The following TIAM1 variants were observed in gnomAD, a reference collection of about 807,000 sequenced individuals.
TIAM1 encodes the protein rho guanine nucleotide exchange factor TIAM1.
TIAM1 carries 65 observed loss-of-function variants against 163.5 expected under a neutral mutation model. The observed-to-expected ratio is 0.40, with a 90% CI of 0.33 to 0.49. The LOEUF is 0.49. TIAM1 is among the 20% of genes least tolerant of loss of function. The probability of loss-of-function intolerance (pLI) is 0.77; values close to 1 mark genes in which losing one functional copy is unlikely to be tolerated. For synonymous variants in TIAM1, 833 were observed against 810.1 expected (o/e 1.03, Z -0.48); for missense variants, 1,789 against 2,044.7 (o/e 0.87, Z 2.41).
At chr21:31,262,686 C>A (rs1383184352) in intron 4 of TIAM1, among the ~76,000 whole-genome samples, 1 of 152,136 alleles carries the variant, frequency 6.6e-6, no homozygotes, top group Non-Finnish European at 1.5e-5. Flanking sequence ...GGAAAAAGGG[C>A]CAAAAACCCA....
At chr21:31,342,601 A>G (rs1407071890) in intron 1 of TIAM1, among the ~76,000 whole-genome samples, 1 of 152,168 alleles carries the variant, frequency 6.6e-6, no homozygotes, top group African/African-American at 2.4e-5. Context: ...ATGAGATCCA[A>G]TTTGGTTGTC....
At chr21:31,387,195 CTTTTTTTTTTTT>C (rs60592178) in intron 2 of TIAM1, among the ~76,000 whole-genome samples, 5 of 75,162 alleles carry the variant, frequency 6.7e-5, no homozygotes, top group African/African-American at 1.1e-4. Context: ...AGCTTATTCT[CTTTTTTTTTTTT>C]TTTTTTTTTT....
In TIAM1 at chr21:31,210,637, GAA is replaced by G. The variant is rs1352437486; in HGVS notation, c.2218-424_2218-423del. Among the ~76,000 whole-genome samples the G allele has an allele frequency of 4.0e-3, 200 of 49,456 alleles. 10 individuals carry two copies. Among genetic ancestry groups the G allele is most frequent in the African/African-American group, 1.0e-2 (80 of 8,026 alleles). 32.4% of individuals were successfully genotyped at this position (49,456 alleles called of 152,430 possible). A position where few individuals can be genotyped will look rare whatever the true frequency, so the allele number is the denominator to read the frequency against. ...AGGGAGAAAGAAAGAAAGAAAGAAA[GAA>G]AGAAAGAAAGAAAGAAAGAAAGAAA... is the stretch of plus-strand genomic sequence containing the variant. On this transcript the variant is annotated intron_variant, in intron 10 of 27. Coordinates refer to ENST00000541036, the MANE Select transcript of TIAM1 (RefSeq NM_001353694.2).
Position 31,217,587 on chromosome 21 carries a change from G to C in TIAM1, c.2108C>G (p.Ser703Cys), listed in dbSNP as rs149518353. Reference protein sequence around the residue: ...FSSLWGLDTTSKKKQGRPSIN... With the variant: ...FSSLWGLDTTCKKKQGRPSIN... The stretch of plus-strand genomic sequence containing the variant: ...GCTTGGCCGTCCCTGCTTCTTTTTG[G>C]AGGTAGTATCCAGACCCCACAGAGA... The change falls in exon 9 of 28, where the codon TCC becomes TGC. Residue 703 changes from serine to cysteine, a missense_variant. Coordinates refer to ENST00000541036, the MANE Select transcript of TIAM1 (RefSeq NM_001353694.2). 1.4e-3 allele frequency: 2,232 copies of C among 1,613,670 alleles called. 1 individual carries two copies. The highest frequency in any genetic ancestry group is 1.8e-3 in the Non-Finnish European group (2,091 of 1,179,848).
intron 2 of TIAM1, among the ~76,000 whole-genome samples, chr21:31,430,225 A>AAATATATATATAT (rs1555978198): frequency 2.2e-5 from 2 of 90,280 alleles, no homozygotes; most frequent in African/African-American, 5.8e-5. Flanking sequence ...AAAAAAAAAA[A>AAATATATATATAT]ATATATATAT....
intron 1 of TIAM1, among the ~76,000 whole-genome samples, chr21:31,472,078 G>A (rs1046318745): frequency 2.0e-5 from 3 of 152,030 alleles, no homozygotes; most frequent in Admixed American, 6.6e-5. Context: ...GGGGAGCCTC[G>A]GTGGACACTT....
intron 2 of TIAM1, among the ~76,000 whole-genome samples, chr21:31,328,095 C>T (rs1005233904): frequency 2.6e-5 from 4 of 152,140 alleles, no homozygotes; most frequent in African/African-American, 9.7e-5. Flanking sequence ...GGCTCGCTTC[C>T]TCAACCCCTT....
intron 2 of TIAM1, among the ~76,000 whole-genome samples, chr21:31,366,225 C>T (rs8129462): frequency 0.024 from 3,710 of 152,130 alleles, 60 homozygotes; most frequent in African/African-American, 0.05. Context: ...GGAAGTAAAC[C>T]GTACTCATAA....
chr21:31,488,100 A>G (rs2046338430), intron 1 of TIAM1, among the ~76,000 whole-genome samples: 1 of 152,256 alleles, frequency 6.6e-6, no homozygotes, highest in African/African-American at 2.4e-5. Flanking sequence ...CTGGGATTAC[A>G]GGAAACCAGG....
At chr21:31,131,779 T>C (rs1477532493) in intron 23 of TIAM1, among the ~76,000 whole-genome samples, 1 of 152,162 alleles carries the variant, frequency 6.6e-6, no homozygotes, top group Non-Finnish European at 1.5e-5. Flanking sequence ...CTTGTGATGG[T>C]TTCAGGAGGT....
intron 2 of TIAM1, among the ~76,000 whole-genome samples, chr21:31,323,015 C>A (rs143434151): frequency 6.6e-6 from 1 of 152,128 alleles, no homozygotes. Flanking sequence ...AGAGGCCGGG[C>A]GCAGTGGCTC....
chr21:31,420,864 G>A (rs2043542414), intron 2 of TIAM1, among the ~76,000 whole-genome samples: 2 of 152,152 alleles, frequency 1.3e-5, no homozygotes, highest in South Asian at 2.1e-4. Context: ...ACTCACGTCT[G>A]TAATCCCAGC....
At chr21:31,457,045 T>C (rs1472097329) in intron 2 of TIAM1, among the ~76,000 whole-genome samples, 1 of 152,232 alleles carries the variant, frequency 6.6e-6, no homozygotes, top group Admixed American at 6.5e-5. Flanking sequence ...TCAACATCTT[T>C]GCAGTTTAAG....
chr21:31,185,704 A>C (rs1232266858), intron 14 of TIAM1, among the ~76,000 whole-genome samples: 3 of 149,832 alleles, frequency 2.0e-5, no homozygotes, highest in Non-Finnish European at 3.0e-5. Flanking sequence ...ACATAATTAT[A>C]TACTATTACA....
At chr21:31,215,804 G>A (rs530644305) in intron 9 of TIAM1, among the ~76,000 whole-genome samples, 2 of 152,148 alleles carry the variant, frequency 1.3e-5, no homozygotes, top group African/African-American at 2.4e-5. Context: ...TCTCACACTC[G>A]CTTAGCATTT....
chr21:31,356,264 A>T (rs992163743), intron 2 of TIAM1, among the ~76,000 whole-genome samples: 1 of 152,244 alleles, frequency 6.6e-6, no homozygotes, highest in African/African-American at 2.4e-5. Flanking sequence ...TTCACTAAGG[A>T]TGTTCAAGAC....
chr21:31,303,000 A>G (rs1243042935), intron 2 of TIAM1, among the ~76,000 whole-genome samples: 2 of 152,304 alleles, frequency 1.3e-5, no homozygotes, highest in East Asian at 3.9e-4. Context: ...TGAACTGGCA[A>G]ACTCTGATGT....
intron 1 of TIAM1, among the ~76,000 whole-genome samples, chr21:31,476,559 C>T (rs534611559): frequency 6.6e-6 from 1 of 152,188 alleles, no homozygotes; most frequent in African/African-American, 2.4e-5. Context: ...TGACAACAAT[C>T]ATAAATATCC....
intron 2 of TIAM1, among the ~76,000 whole-genome samples, chr21:31,448,537 T>C (rs562574): frequency 0.81 from 122,665 of 150,732 alleles, 50,209 homozygotes; most frequent in East Asian, 0.91. Context: ...GCCTAGGCAG[T>C]AGAGATTGCA....
Sources: gnomAD v4.1 joint callset for allele counts (sites outside exome capture counted in the v4.1 genomes callset) on GRCh38, gnomAD v4.1.1 for gene constraint, MANE v1.5 for transcripts, NCBI Gene and HGNC (gene_info 2026-07-23, HGNC 2026-07-21) for gene names.